Variants in TMEM150C observed in about 807,000 individuals in gnomAD.
The protein encoded by TMEM150C is tentonin 3.
TMEM150C carries 10 observed loss-of-function variants against 29.9 expected under a neutral mutation model. The ratio of observed to expected loss-of-function variants is 0.33; its 90% CI spans 0.21 to 0.57. TMEM150C has a LOEUF of 0.57. TMEM150C is among the 20% of genes least tolerant of loss of function. The pLI is 0.88. For synonymous variants in TMEM150C, 101 were observed against 112.5 expected (o/e 0.90, Z 0.64); for missense variants, 251 against 303.6 (o/e 0.83, Z 1.29).
intron 1 of TMEM150C, among the ~76,000 whole-genome samples, chr4:82,520,963 T>A (rs1023491279): frequency 9.2e-5 from 14 of 152,128 alleles, no homozygotes; most frequent in Non-Finnish European, 1.8e-4. Flanking sequence ...TACGCACTAC[T>A]CACCCCTGGC....
chr4:82,515,854 T>G (rs1724280506), intron 1 of TMEM150C, among the ~76,000 whole-genome samples: 1 of 152,098 alleles, frequency 6.6e-6, no homozygotes, highest in Non-Finnish European at 1.5e-5. Flanking sequence ...TACGGCAGCC[T>G]GACCACAAGC....
chr4:82,490,021 A>G, intron 7 of TMEM150C, 40 bp downstream of exon 7: 1 of 1,594,052 alleles, frequency 6.3e-7, no homozygotes, highest in Non-Finnish European at 8.6e-7. Context: ...ACTTGTTTTC[A>G]TCTTACTGGC....
At chr4:82,539,366 C>T (rs1345545465) in intron 1 of TMEM150C, among the ~76,000 whole-genome samples, 2 of 152,086 alleles carry the variant, frequency 1.3e-5, no homozygotes, top group African/African-American at 4.8e-5. Flanking sequence ...GAATTATTAT[C>T]TGCAACAGCA....
intron 1 of TMEM150C, among the ~76,000 whole-genome samples, chr4:82,530,226 C>T (rs1724795324): frequency 6.6e-6 from 1 of 151,534 alleles, no homozygotes; most frequent in Admixed American, 6.6e-5. Context: ...TGGAGTAATC[C>T]CTGAGGTGTG....
intron 1 of TMEM150C, among the ~76,000 whole-genome samples, chr4:82,537,163 T>G (rs1725039021): frequency 6.6e-6 from 1 of 152,080 alleles, no homozygotes; most frequent in South Asian, 2.1e-4. Flanking sequence ...TTTTGTATTT[T>G]TTTAGTAGAG....
At chr4:82,494,790 T>TC in intron 6 of TMEM150C, 1 of 261,274 alleles carries the variant, frequency 3.8e-6, no homozygotes, top group South Asian at 3.6e-5. Flanking sequence ...CTAATTTTTT[T>TC]TTTTTTTTTT....
chr4:82,518,070 C>A (rs769904721), intron 1 of TMEM150C, among the ~76,000 whole-genome samples: 8 of 152,158 alleles, frequency 5.3e-5, no homozygotes, highest in Non-Finnish European at 7.3e-5. Context: ...AATCCCAGCA[C>A]TTTGGGAGGC....
intron 1 of TMEM150C, among the ~76,000 whole-genome samples, chr4:82,561,593 G>A (rs191891506): frequency 1.3e-5 from 2 of 149,860 alleles, no homozygotes; most frequent in African/African-American, 4.9e-5. Context: ...GCTGGCTGGC[G>A]GCACTGCGGC....
At chr4:82,512,559 T>C (rs746394470) in intron 1 of TMEM150C, among the ~76,000 whole-genome samples, 28 of 152,130 alleles carry the variant, frequency 1.8e-4, no homozygotes, top group Non-Finnish European at 3.7e-4. Flanking sequence ...CAATGGAAAA[T>C]GAATGAAGGC....
At chr4:82,497,545 AGTG>A (rs1342844234) in intron 5 of TMEM150C, among the ~76,000 whole-genome samples, 5 of 152,232 alleles carry the variant, frequency 3.3e-5, no homozygotes, top group Non-Finnish European at 5.9e-5. Flanking sequence ...CTGATCAAAG[AGTG>A]GTATAAAACT....
intron 7 of TMEM150C, among the ~76,000 whole-genome samples, chr4:82,489,693 C>A (rs1374412532): frequency 6.6e-6 from 1 of 151,900 alleles, no homozygotes; most frequent in African/African-American, 2.4e-5. Context: ...AATAACAGGG[C>A]CATTAATAAA....
At chr4:82,503,454 G>A (rs1347643322) in intron 2 of TMEM150C, among the ~76,000 whole-genome samples, 1 of 152,146 alleles carries the variant, frequency 6.6e-6, no homozygotes, top group Non-Finnish European at 1.5e-5. Context: ...AACAAACTTT[G>A]AGAAACTAAA....
At chr4:82,506,095 C>A (rs532412318) in intron 1 of TMEM150C, among the ~76,000 whole-genome samples, 3 of 151,330 alleles carry the variant, frequency 2.0e-5, no homozygotes, top group Non-Finnish European at 4.4e-5. Context: ...TTTTTTTTTA[C>A]AATTTTTTAC....
chr4:82,526,005 T>A (rs1484233075), intron 1 of TMEM150C, among the ~76,000 whole-genome samples: 2 of 152,172 alleles, frequency 1.3e-5, no homozygotes, highest in Non-Finnish European at 2.9e-5. Flanking sequence ...CCTGGGCTCA[T>A]GTGATCCTCC....
At chr4:82,524,585 G>C (rs1724595339) in intron 1 of TMEM150C, among the ~76,000 whole-genome samples, 1 of 152,254 alleles carries the variant, frequency 6.6e-6, no homozygotes, top group East Asian at 1.9e-4. Flanking sequence ...ACTGAAAAAG[G>C]AGATTTTCAT....
chr4:82,552,672 C>T (rs746024680), intron 1 of TMEM150C, among the ~76,000 whole-genome samples: 1 of 152,188 alleles, frequency 6.6e-6, no homozygotes, highest in Non-Finnish European at 1.5e-5. Flanking sequence ...AGCTCCCCGA[C>T]CCACCCAGAG....
chr4:82,510,637 T>C (rs6828071), intron 1 of TMEM150C, among the ~76,000 whole-genome samples: 79,649 of 152,096 alleles, frequency 0.52, 22,905 homozygotes, highest in African/African-American at 0.76. Flanking sequence ...TGGCATACAG[T>C]AGGCATTTCA....
At chr4:82,559,227 T>C (rs1012840687) in intron 1 of TMEM150C, among the ~76,000 whole-genome samples, 2 of 151,986 alleles carry the variant, frequency 1.3e-5, no homozygotes, top group Non-Finnish European at 2.9e-5. Context: ...ACAAAGCCTG[T>C]TGGTGGACTC....
In TMEM150C at chr4:82,490,946, G is replaced by A. The variant is rs1723321856; in HGVS notation, c.364-708C>T. ...GGCGGATCTCATCGGATCTGTTTTT[G>A]TAATTGGTCCTGATAGCTTCCACCC... On this transcript the variant is annotated intron_variant, in intron 6 of 7. Transcript: ENST00000449862. 8.3e-6 allele frequency: 6 copies of A among 726,988 alleles called. 1 individual carries two copies. Among genetic ancestry groups the A allele is most frequent in the South Asian group, 8.2e-5 (6 of 73,300 alleles). The allele number at this position is 726,988 out of a possible 1,614,324, so 45.0% of individuals were successfully genotyped here.
Sources: allele counts gnomAD v4.1 joint callset (sites outside exome capture counted in the v4.1 genomes callset), GRCh38; gene constraint gnomAD v4.1.1; transcripts MANE v1.5; gene names NCBI Gene and HGNC (gene_info 2026-07-23, HGNC 2026-07-21).